WNT10B: variants seen among roughly 807,000 people sequenced by gnomAD.
WNT10B encodes the protein protein Wnt-10b.
WNT10B carries 26 observed loss-of-function variants against 32.7 expected under a neutral mutation model. The ratio of observed to expected loss-of-function variants is 0.79; its 90% confidence interval spans 0.58 to 1.10. The LOEUF is 1.10. Ranked by LOEUF, WNT10B falls within the 50% of genes least tolerant of loss-of-function variation. WNT10B has a pLI of 0.00. For synonymous variants in WNT10B, 204 were observed against 220.4 expected, an observed-to-expected ratio of 0.93 and a Z score of 0.66; for missense variants, 474 against 532.5, an observed-to-expected ratio of 0.89 and a Z score of 1.08.
chr12:48,968,096 G>T lies in WNT10B; in HGVS notation c.561C>A (p.Ser187Arg), dbSNP rs763762424. 5.1e-5 allele frequency: 82 copies of T among 1,614,110 alleles called. No individual in the cohort carries two copies. The highest frequency in any genetic ancestry group is 6.9e-5 in the Non-Finnish European group (81 of 1,180,050). The part of the protein sequence containing the change: ...LPSPGPGSSP[S>R]PGPQDTWEWG... The stretch of plus-strand genomic sequence containing the variant: ...ATTCCCATGTGTCCTGGGGGCCAGG[G>T]CTGGGGCTTGAGCCAGGGCCAGGGC... Residue 187 changes from serine to arginine, a missense_variant, in exon 4 of 5, where the codon AGC becomes AGA. Ser to Arg is a moderately radical substitution (Grantham distance 110, BLOSUM62 -1). Coordinates refer to ENST00000301061, the MANE Select transcript of WNT10B (RefSeq NM_003394.4).
chr12:48,966,541 T>C lies in WNT10B; in HGVS notation c.724A>G (p.Asn242Asp), dbSNP rs200050549. 6.2e-7 allele frequency: 1 copy of C among 1,613,436 alleles called. No homozygotes were observed. The highest frequency in any genetic ancestry group is 1.3e-5 in the African/African-American group (1 of 74,990). The change falls in exon 5 of 5, where the codon AAC (asparagine) becomes GAC (aspartate). Residue 242 changes from asparagine (N) to aspartate (D), a missense_variant. Coordinates refer to ENST00000301061, the MANE Select transcript of WNT10B (RefSeq NM_003394.4). ...NRVGRQVVTE[N>D]LKRKCKCHGT... ...TGACACTTGCATTTCCGCTTCAGGT[T>C]TTCAGTTACCACCTAGAGCATCAGG...
Position 48,970,083 on chromosome 12 carries a change from G to A in WNT10B, c.337+6C>T. On this transcript the variant is annotated splice_donor_region_variant and intron_variant, in intron 3 of 4. Coordinates refer to ENST00000301061, the MANE Select transcript of WNT10B (RefSeq NM_003394.4). This position sits in a 1 kb window ranked among gnomAD's most constrained non-coding sequence, Gnocchi z 5.0. Reference sequence around the variant, plus strand: ...CGGCAGCGCCGACCCGCCCAGCCAGGCTCACCGCGCTTGAGGATGGCGCTG... The same window carrying A: ...CGGCAGCGCCGACCCGCCCAGCCAGACTCACCGCGCTTGAGGATGGCGCTG... 6.6e-7 allele frequency: 1 copy of A among 1,514,658 alleles called. No homozygotes were observed. The highest frequency in any genetic ancestry group is 8.8e-7 in the Non-Finnish European group (1 of 1,132,566). The allele number at this position is 1,514,658 out of a possible 1,614,324, so 93.8% of individuals were successfully genotyped here. A position where few individuals can be genotyped will look rare whatever the true frequency, so the allele number is the denominator to read the frequency against.
At chr12:48,967,628 T>A (rs1008994201) in intron 4 of WNT10B, among the ~76,000 whole-genome samples, 4 of 152,118 alleles carry the variant, frequency 2.6e-5, no homozygotes, top group African/African-American at 9.7e-5. Flanking sequence ...ATAATTTTTT[T>A]AAATATAGAG....
Position 48,965,938 on chromosome 12 carries a change from A to T in WNT10B, c.*157T>A. 2.4e-6 allele frequency: 2 copies of T among 825,288 alleles called. No individual in the cohort carries two copies. Among genetic ancestry groups the T allele is most frequent in the Non-Finnish European group, 3.8e-6 (2 of 520,872 alleles). 51.1% of individuals were successfully genotyped at this position (825,288 alleles called of 1,614,324 possible). A position where few individuals can be genotyped will look rare whatever the true frequency, so the allele number is the denominator to read the frequency against. ...TTGGGGAGAAGGCTACACATCCCAG[A>T]GTCCACCTGACCCCCACCACCCCTA... On this transcript the variant is annotated 3_prime_UTR_variant, in exon 5 of 5. Transcript: ENST00000301061.
Position 48,966,416 on chromosome 12 carries a change from G to T in WNT10B, c.849C>A (p.Ile283=), listed in dbSNP as rs202063852. Residue 283 remains isoleucine (I), a synonymous_variant, in exon 5 of 5, where the codon ATC becomes ATA. Coordinates refer to ENST00000301061, the MANE Select transcript of WNT10B (RefSeq NM_003394.4). ...AALRERLGRA[I]FIDTHNRNSG... ...AATTGCGGTTGTGGGTATCAATGAA[G>T]ATGGCCCGGCCCAGCCGCTCCCTCA... is the stretch of plus-strand genomic sequence containing the variant. The T allele has an allele frequency of 1.9e-4, 312 of 1,614,038 alleles. 4 individuals carry two copies. The East Asian group carries it at 2.5e-3, about 13-fold the overall frequency.
chr12:48,967,989 A>G lies in WNT10B; in HGVS notation c.668T>C (p.Ile223Thr). ...FLDSREAPRD[I>T]QARMRIHNNR... ...GTTGTGGATTCGCATTCGTGCCTGG[A>G]TGTCCCGGGGAGCTTCCCTGGAATC... Residue 223 changes from isoleucine (I) to threonine (T), a missense_variant, in exon 4 of 5, where the codon ATC (isoleucine) becomes ACC (threonine). Coordinates refer to ENST00000301061, the MANE Select transcript of WNT10B (RefSeq NM_003394.4). 6.2e-7 allele frequency: 1 copy of G among 1,614,212 alleles called. No individual in the cohort carries two copies. The highest frequency in any genetic ancestry group is 1.1e-5 in the South Asian group (1 of 91,082).
chr12:48,966,542 T>C lies in WNT10B; in HGVS notation c.723A>G (p.Glu241=). 6.2e-7 allele frequency: 1 copy of C among 1,613,492 alleles called. No individual in the cohort carries two copies. The highest frequency in any genetic ancestry group is 8.5e-7 in the Non-Finnish European group (1 of 1,179,996). ...GACACTTGCATTTCCGCTTCAGGTT[T>C]TCAGTTACCACCTAGAGCATCAGGG... The part of the protein sequence containing the change: ...NNRVGRQVVT[E]NLKRKCKCHG... The change falls in exon 5 of 5, where the codon GAA becomes GAG. Residue 241 remains glutamate (E), a synonymous_variant. Transcript: ENST00000301061.
intron 3 of WNT10B, among the ~76,000 whole-genome samples, chr12:48,969,410 A>G (rs544657826): frequency 5.6e-4 from 86 of 152,266 alleles, no homozygotes; most frequent in Admixed American, 1.6e-3. Context: ...CTGAGCCCCC[A>G]TGGGTCTTTA....
chr12:48,966,006 A>C lies in WNT10B; in HGVS notation c.*89T>G. On this transcript the variant is annotated 3_prime_UTR_variant, in exon 5 of 5. Transcript: ENST00000301061. ...ATACTTTAAGCTTCCAGGGACCAAG[A>C]GTGACCTTGGAAGGAAATCAGAGCA... 1 of 1,500,834 alleles carries C rather than the reference A, an allele frequency of 6.7e-7. No individual in the cohort carries two copies. The highest frequency in any genetic ancestry group is 9.1e-7 in the Non-Finnish European group (1 of 1,096,700). 93.0% of individuals were successfully genotyped at this position (1,500,834 alleles called of 1,614,324 possible).
At position 48,966,087 on chromosome 12, in the gene WNT10B, G is replaced by A; in HGVS notation, c.*8C>T. 1 of 1,613,490 alleles carries A rather than the reference G, an allele frequency of 6.2e-7. No individual in the cohort carries two copies. The highest frequency in any genetic ancestry group is 2.2e-5 in the East Asian group (1 of 44,884). ...TCCTCTTCCCCAGCCCCAAGGTAAGGCTGACCCTCACTTACACACATTCAC... is the reference window on the plus strand; with the variant it reads ...TCCTCTTCCCCAGCCCCAAGGTAAGACTGACCCTCACTTACACACATTCAC... On this transcript the variant is annotated 3_prime_UTR_variant, in exon 5 of 5. Transcript: ENST00000301061.
At chr12:48,969,621 C>T (rs1940808530) in intron 3 of WNT10B, among the ~76,000 whole-genome samples, 1 of 152,164 alleles carries the variant, frequency 6.6e-6, no homozygotes, top group South Asian at 2.1e-4. Context: ...AGCTTTGGCT[C>T]CTGGGAACCC....
rs1940856336 is a variant in WNT10B at position 48,971,613 on chromosome 12, C to A, written c.-199G>T. The A allele has an allele frequency of 6.6e-6, 1 of 152,646 alleles. No individual in the cohort carries two copies. Among genetic ancestry groups the A allele is most frequent in the African/African-American group, 2.4e-5 (1 of 41,430 alleles). 9.5% of individuals were successfully genotyped at this position (152,646 alleles called of 1,614,324 possible). On this transcript the variant is annotated 5_prime_UTR_variant, in exon 1 of 5. Transcript: ENST00000301061. ...CCACTCCTCTTCACCGCTTCCCCAG[C>A]GCCGCCGCGGCCGCCGGGAGGAAGG... is the stretch of plus-strand genomic sequence containing the variant.
intron 3 of WNT10B, 43 bp from the exon 4 acceptor site, chr12:48,968,362 G>A: frequency 6.3e-7 from 1 of 1,599,618 alleles, no homozygotes; most frequent in Non-Finnish European, 8.5e-7. Context: ...AGGTTGACAG[G>A]CAGCTGAGAG....
intron 4 of WNT10B, among the ~76,000 whole-genome samples, chr12:48,967,626 T>C (rs1940762716): frequency 6.6e-6 from 1 of 152,108 alleles, no homozygotes; most frequent in Non-Finnish European, 1.5e-5. Context: ...GTATAATTTT[T>C]TTAAATATAG....
At chr12:48,967,745 C>G (rs1200869784) in intron 4 of WNT10B, among the ~76,000 whole-genome samples, 2 of 152,210 alleles carry the variant, frequency 1.3e-5, no homozygotes, top group Non-Finnish European at 2.9e-5. Flanking sequence ...AGCCACCACA[C>G]TGGCCTGCTA....
At position 48,970,774 on chromosome 12, in the gene WNT10B, G is replaced by T; in HGVS notation, c.-40-205C>A. 1.7e-6 allele frequency: 1 copy of T among 594,148 alleles called. No individual in the cohort carries two copies. Among genetic ancestry groups the T allele is most frequent in the Middle Eastern group, 4.4e-4 (1 of 2,250 alleles). 36.8% of individuals were successfully genotyped at this position (594,148 alleles called of 1,614,324 possible). A position where few individuals can be genotyped will look rare whatever the true frequency, so the allele number is the denominator to read the frequency against. ...CTTAAAGAAGAAGAGTCAAGGCGTT[G>T]TCCCAGCTCAGGACTCAAGCGAGCA... On this transcript the variant is annotated intron_variant, in intron 1 of 4. Coordinates refer to ENST00000301061, the MANE Select transcript of WNT10B (RefSeq NM_003394.4). The surrounding 1 kb of genome is among the most constrained non-coding windows in gnomAD (Gnocchi z 5.0).
At chr12:48,966,958 G>C (rs111493026) in intron 4 of WNT10B, among the ~76,000 whole-genome samples, 68 of 152,214 alleles carry the variant, frequency 4.5e-4, no homozygotes, top group Non-Finnish European at 8.4e-4. Context: ...CACTATGCTG[G>C]GTATACTATT....
rs779451842 is a variant in WNT10B, at chr12:48,966,091, A to G, written c.*4T>C. On this transcript the variant is annotated 3_prime_UTR_variant, in exon 5 of 5. Coordinates refer to ENST00000301061, the MANE Select transcript of WNT10B (RefSeq NM_003394.4). ...CTTCCCCAGCCCCAAGGTAAGGCTG[A>G]CCCTCACTTACACACATTCACCCAC... is the stretch of plus-strand genomic sequence containing the variant. 1.6e-5 allele frequency: 26 copies of G among 1,613,538 alleles called. No individual in the cohort carries two copies. The highest frequency in any genetic ancestry group is 2.2e-5 in the Non-Finnish European group (26 of 1,180,032).
At position 48,971,454 on chromosome 12, in the gene WNT10B, C is replaced by A. The variant is rs925849347; in HGVS notation, c.-41+1G>T. The A allele has an allele frequency of 1.3e-5, 2 of 152,428 alleles. No homozygotes were observed. The highest frequency in any genetic ancestry group is 2.9e-5 in the Non-Finnish European group (2 of 68,242). 9.4% of individuals were successfully genotyped at this position (152,428 alleles called of 1,614,324 possible). ...CTCCCTGCTTTCCCAGGTCTAATTA[C>A]CTCCAGTGGTTTGGGTGCGGGGTCC... is the stretch of plus-strand genomic sequence containing the variant. On this transcript the variant is annotated splice_donor_variant, in intron 1 of 4. Transcript: ENST00000301061. LOFTEE classifies it low-confidence loss of function (5UTR_SPLICE).
Sources: gnomAD v4.1 joint callset for allele counts (sites outside exome capture counted in the v4.1 genomes callset) on GRCh38, gnomAD v4.1.1 for gene constraint, Gnocchi (gnomAD v3.1) non-coding constraint, MANE v1.5 for transcripts, NCBI Gene and HGNC (gene_info 2026-07-23, HGNC 2026-07-21) for gene names.